GPR149: variants seen among roughly 807,000 people sequenced by gnomAD.
GPR149 encodes probable G protein-coupled receptor 149.
In GPR149, 50 loss-of-function variants were observed where a neutral mutation model predicts 50.2. The observed-to-expected ratio is 1.00, with a 90% CI of 0.79 to 1.26. The LOEUF is 1.26. Ranked by LOEUF, GPR149 falls within the 50% of genes most tolerant of loss-of-function variation. GPR149 has a pLI of 0.00. For missense variants in GPR149, 983 were observed against 895.4 expected (o/e 1.10, Z -1.25); for synonymous variants, 405 against 358.2 (o/e 1.13, Z -1.48).
chr3:154,391,429 A>G (rs532088896), intron 3 of GPR149, among the ~76,000 whole-genome samples: 36 of 151,958 alleles, frequency 2.4e-4, no homozygotes, highest in Non-Finnish European at 4.3e-4. Context: ...CTTGGTAACC[A>G]CAAAGAAAGT....
At chr3:154,368,084 G>A (rs776523534) in intron 3 of GPR149, among the ~76,000 whole-genome samples, 19 of 152,178 alleles carry the variant, frequency 1.2e-4, no homozygotes, top group Non-Finnish European at 2.5e-4. Flanking sequence ...TTTCTGTGGT[G>A]GTCCCGAAGT....
chr3:154,352,066 T>A (rs1186344644), intron 3 of GPR149: 13 of 467,528 alleles, frequency 2.8e-5, no homozygotes, highest in Non-Finnish European at 4.4e-5. Context: ...ATGAGCTAAT[T>A]TTTGGTGGAT....
chr3:154,374,691 A>G (rs1166168312), intron 3 of GPR149, among the ~76,000 whole-genome samples: 1 of 152,178 alleles, frequency 6.6e-6, no homozygotes, highest in Admixed American at 6.5e-5. Flanking sequence ...CAAAGGGCAT[A>G]TATATATATT....
At position 154,384,215 on chromosome 3, in the gene GPR149, G is replaced by T. The variant is rs701120; in HGVS notation, c.1623+36824C>A. Among the ~76,000 whole-genome samples the T allele has an allele frequency of 8.5e-5, 13 of 152,116 alleles. No individual in the cohort carries two copies. The South Asian group carries it at 1.0e-3, about 12-fold the overall frequency. The stretch of plus-strand genomic sequence containing the variant: ...GCCCCAGGCGTTTACATAAAGCCTC[G>T]GGTGAGATCTTATTTTCAGTAAACT... On this transcript the variant is annotated intron_variant, in intron 3 of 3. Transcript: ENST00000389740.
intron 3 of GPR149, among the ~76,000 whole-genome samples, chr3:154,415,511 A>C (rs1217755797): frequency 1.3e-5 from 2 of 152,006 alleles, no homozygotes; most frequent in African/African-American, 4.8e-5. Context: ...ACTCTAAACT[A>C]TACCAGATAA....
At chr3:154,360,155 A>C (rs1714345171) in intron 3 of GPR149, among the ~76,000 whole-genome samples, 2 of 152,236 alleles carry the variant, frequency 1.3e-5, no homozygotes, top group African/African-American at 4.8e-5. Flanking sequence ...GAGATGGTTT[A>C]AAGTAATGAT....
In GPR149 at chr3:154,427,514, A is replaced by C. The variant is rs1179682757; in HGVS notation, c.1174+2T>G. On this transcript the variant is annotated splice_donor_variant, in intron 2 of 3. Transcript: ENST00000389740. LOFTEE classifies it high-confidence loss of function. ...CCAATCACTGCAGTGTTGAGGACTT[A>C]CTTTTTTTCCCATCGGACGCCACTG... 1 of 1,603,072 alleles carries C rather than the reference A, an allele frequency of 6.2e-7. No homozygotes were observed.
At chr3:154,376,242 T>C (rs1393885545) in intron 3 of GPR149, among the ~76,000 whole-genome samples, 1 of 152,232 alleles carries the variant, frequency 6.6e-6, no homozygotes, top group Admixed American at 6.5e-5. Flanking sequence ...ATTCAATCTT[T>C]AGTTGCTGGA....
intron 3 of GPR149, among the ~76,000 whole-genome samples, chr3:154,345,370 A>T (rs1010894871): frequency 1.3e-5 from 2 of 152,228 alleles, no homozygotes; most frequent in Admixed American, 6.5e-5. Context: ...ACTGAATTTT[A>T]TGTGAAAGTT....
intron 3 of GPR149, among the ~76,000 whole-genome samples, chr3:154,342,273 G>A (rs911551128): frequency 2.0e-5 from 3 of 152,182 alleles, no homozygotes; most frequent in African/African-American, 7.2e-5. Context: ...AAGTTTAATA[G>A]TGATGCTATG....
intron 3 of GPR149, among the ~76,000 whole-genome samples, chr3:154,357,202 A>C (rs1714256736): frequency 1.3e-5 from 2 of 152,128 alleles, no homozygotes; most frequent in Admixed American, 6.5e-5. Flanking sequence ...TAAAGACTTA[A>C]ATGTTAGACC....
At chr3:154,361,828 A>T (rs1244105814) in intron 3 of GPR149, among the ~76,000 whole-genome samples, 1 of 152,184 alleles carries the variant, frequency 6.6e-6, no homozygotes, top group Non-Finnish European at 1.5e-5. Context: ...TCTAATCTTT[A>T]TTCTTTAGAC....
At chr3:154,421,915 A>G (rs1032399355) in intron 2 of GPR149, among the ~76,000 whole-genome samples, 1 of 151,782 alleles carries the variant, frequency 6.6e-6, no homozygotes, top group African/African-American at 2.4e-5. Flanking sequence ...TAGCCTTAAT[A>G]TTATGTGAGT....
At chr3:154,341,320 T>G (rs1576896229) in intron 3 of GPR149, among the ~76,000 whole-genome samples, 1 of 75,932 alleles carries the variant, frequency 1.3e-5, no homozygotes, top group Non-Finnish European at 2.8e-5. Context: ...TATATATATA[T>G]ATATATATAT....
At chr3:154,407,233 A>G (rs1711719744) in intron 3 of GPR149, among the ~76,000 whole-genome samples, 1 of 152,122 alleles carries the variant, frequency 6.6e-6, no homozygotes, top group Admixed American at 6.5e-5. Context: ...AAACCTGATC[A>G]TGCTTCACAT....
intron 3 of GPR149, among the ~76,000 whole-genome samples, chr3:154,350,467 T>A (rs116099936): frequency 0.025 from 3,803 of 152,260 alleles, 58 homozygotes; most frequent in Non-Finnish European, 0.04. Context: ...AGGTTAAAGA[T>A]TTAGATGTAA....
At chr3:154,415,318 G>A (rs1711956996) in intron 3 of GPR149, among the ~76,000 whole-genome samples, 1 of 151,936 alleles carries the variant, frequency 6.6e-6, no homozygotes, top group South Asian at 2.1e-4. Flanking sequence ...TGTAGAACGT[G>A]AGCAGTTAGA....
rs571778012 is a variant in GPR149 at position 154,428,791 on chromosome 3, G to A, written c.825C>T (p.Phe275=). 1 of 1,613,848 alleles carries A rather than the reference G, an allele frequency of 6.2e-7. No individual in the cohort carries two copies. Among genetic ancestry groups the A allele is most frequent in the South Asian group, 1.1e-5 (1 of 91,066 alleles). The part of the protein sequence containing the change: ...GGCSPSSDTV[F]GPGAPAAAGA... The stretch of plus-strand genomic sequence containing the variant: ...CAGCGGCAGCGGGCGCACCCGGTCC[G>A]AACACGGTGTCGGAGCTCGGAGAGC... Residue 275 remains phenylalanine, a synonymous_variant, in exon 1 of 4, where the codon TTC becomes TTT. Coordinates refer to ENST00000389740, the MANE Select transcript of GPR149 (RefSeq NM_001038705.3).
At chr3:154,368,407 G>A (rs984633307) in intron 3 of GPR149, among the ~76,000 whole-genome samples, 1 of 152,172 alleles carries the variant, frequency 6.6e-6, no homozygotes, top group African/African-American at 2.4e-5. Flanking sequence ...ATTTTAAAGG[G>A]CCAGTTCCCC....
Sources: gnomAD v4.1 joint callset for allele counts (sites outside exome capture counted in the v4.1 genomes callset) on GRCh38, gnomAD v4.1.1 for gene constraint, MANE v1.5 for transcripts, NCBI Gene and HGNC (gene_info 2026-07-23, HGNC 2026-07-21) for gene names.